The following FBXO16 variants were observed in gnomAD, a reference collection of about 807,000 sequenced individuals.
FBXO16 encodes the protein F-box only protein 16.
FBXO16 carries 31 observed loss-of-function variants against 41.0 expected under a neutral mutation model. The ratio of observed to expected loss-of-function variants is 0.76; its 90% confidence interval spans 0.57 to 1.02. FBXO16 has a LOEUF of 1.02. FBXO16 is among the 50% of genes least tolerant of loss of function. The pLI is 0.00. For missense variants in FBXO16, 361 were observed against 346.2 expected (o/e 1.04, Z -0.34); for synonymous variants, 133 against 117.8 (o/e 1.13, Z -0.84).
Position 28,463,791 on chromosome 8 carries a change from T to A in FBXO16, c.163A>T (p.Arg55Ter), listed in dbSNP as rs1803186849. 1 of 1,613,874 alleles carries A rather than the reference T, an allele frequency of 6.2e-7. No homozygotes were observed. Among genetic ancestry groups the A allele is most frequent in the African/African-American group, 1.3e-5 (1 of 74,934 alleles). Residue 55 changes from arginine (R) to a stop codon, truncating the protein, a stop_gained, in exon 4 of 9, where the codon AGA (arginine) becomes TGA (stop). Transcript: ENST00000380254. LOFTEE classifies it high-confidence loss of function. ...WFDKWTDSQR[R>*]RILTGLLERC... is the part of the protein sequence containing the mutation. Reference sequence around the variant, plus strand: ...TCCAACAGGCCTGTGAGGATTCTTCTTCTTTGAGAGTCTGTCCATTTGTCA... The same window carrying A: ...TCCAACAGGCCTGTGAGGATTCTTCATCTTTGAGAGTCTGTCCATTTGTCA...
chr8:28,460,445 T>TTTTTTTTTTG (rs371229894), intron 4 of FBXO16, among the ~76,000 whole-genome samples: 5 of 135,586 alleles, frequency 3.7e-5, no homozygotes, highest in African/African-American at 6.2e-5. Flanking sequence ...TTTTTTTTTT[T>TTTTTTTTTTG]GAGACAGCGT....
intron 5 of FBXO16, among the ~76,000 whole-genome samples, chr8:28,456,328 A>G (rs1803037732): frequency 6.6e-6 from 1 of 152,224 alleles, no homozygotes; most frequent in Non-Finnish European, 1.5e-5. Context: ...CATTTATTAG[A>G]AAACTTTTCC....
intron 3 of FBXO16, chr8:28,465,211 A>G (rs1389802596): frequency 6.1e-6 from 1 of 164,214 alleles, no homozygotes; most frequent in Non-Finnish European, 1.3e-5. Flanking sequence ...TTAAAGATCT[A>G]ATTGGCTTTT....
At chr8:28,460,225 G>GTATATATATATATATATATA (rs771679568) in intron 4 of FBXO16, among the ~76,000 whole-genome samples, 5 of 75,222 alleles carry the variant, frequency 6.6e-5, no homozygotes, top group African/African-American at 3.5e-4. Flanking sequence ...ATATGTGTGT[G>GTATATATATATATATATATA]TATATATATA....
intron 1 of FBXO16, among the ~76,000 whole-genome samples, chr8:28,484,432 C>T (rs1197411743): frequency 6.6e-6 from 1 of 152,138 alleles, no homozygotes; most frequent in African/African-American, 2.4e-5. Flanking sequence ...GATTAAAGCA[C>T]TTTAATTTTC....
chr8:28,481,758 C>G (rs541827096), intron 2 of FBXO16, among the ~76,000 whole-genome samples: 3 of 146,674 alleles, frequency 2.0e-5, no homozygotes, highest in Non-Finnish European at 4.4e-5. Flanking sequence ...TGTAGTGAGC[C>G]GAGATCGCAC....
At chr8:28,480,673 T>A (rs1438211716) in intron 2 of FBXO16, among the ~76,000 whole-genome samples, 1 of 151,842 alleles carries the variant, frequency 6.6e-6, no homozygotes, top group Non-Finnish European at 1.5e-5. Flanking sequence ...CCAGCTAATT[T>A]TTATATTTTT....
At chr8:28,460,345 C>A (rs1276719263) in intron 4 of FBXO16, among the ~76,000 whole-genome samples, 2 of 119,672 alleles carry the variant, frequency 1.7e-5, no homozygotes, top group African/African-American at 3.5e-5. Flanking sequence ...AACCCCCCAG[C>A]CTTAAGCAAG....
intron 3 of FBXO16, among the ~76,000 whole-genome samples, chr8:28,464,706 T>C (rs758578695): frequency 2.6e-5 from 4 of 152,096 alleles, no homozygotes; most frequent in Non-Finnish European, 5.9e-5. Flanking sequence ...TAGATTGGAG[T>C]GCAGTGGTGT....
At chr8:28,434,794 T>C (rs1802662444) in intron 7 of FBXO16, among the ~76,000 whole-genome samples, 1 of 150,858 alleles carries the variant, frequency 6.6e-6, no homozygotes, top group Non-Finnish European at 1.5e-5. Context: ...AGTGAGTGAG[T>C]GCGGGACCCA....
At chr8:28,430,303 TC>T (rs1585886294) in intron 7 of FBXO16, among the ~76,000 whole-genome samples, 1 of 152,174 alleles carries the variant, frequency 6.6e-6, no homozygotes, top group Non-Finnish European at 1.5e-5. Flanking sequence ...GGTCCTGAAC[TC>T]CCGAGCTCAA....
At chr8:28,466,052 C>G (rs1803233859) in intron 3 of FBXO16, among the ~76,000 whole-genome samples, 2 of 151,926 alleles carry the variant, frequency 1.3e-5, no homozygotes, top group South Asian at 4.2e-4. Context: ...CCAGCCTGAC[C>G]AACATGGAGA....
chr8:28,478,847 A>G (rs2130193100), intron 2 of FBXO16, among the ~76,000 whole-genome samples: 1 of 150,620 alleles, frequency 6.6e-6, no homozygotes, highest in Non-Finnish European at 1.5e-5. Context: ...AAAAAATTGT[A>G]ATCCCCTATG....
intron 4 of FBXO16, among the ~76,000 whole-genome samples, chr8:28,458,766 C>T (rs41495145): frequency 0.093 from 14,087 of 151,820 alleles, 1,304 homozygotes; most frequent in African/African-American, 0.24. Context: ...CTTTAGATCA[C>T]GTTTTGACCT....
chr8:28,456,145 C>T (rs1053605320), intron 5 of FBXO16, among the ~76,000 whole-genome samples: 1 of 151,980 alleles, frequency 6.6e-6, no homozygotes, highest in Non-Finnish European at 1.5e-5. Context: ...ATCTCATTAG[C>T]TGGGACTATA....
At position 28,481,827 on chromosome 8, in the gene FBXO16, AG is replaced by A. The variant is rs780575384; in HGVS notation, c.99+1520del. Among the ~76,000 whole-genome samples the A allele has an allele frequency of 6.3e-3, 952 of 151,128 alleles. 8 individuals carry two copies. The highest frequency in any genetic ancestry group is 0.017 in the African/African-American group (718 of 41,178). On this transcript the variant is annotated intron_variant, in intron 2 of 8. Coordinates refer to ENST00000380254, the MANE Select transcript of FBXO16 (RefSeq NM_172366.4). Reference sequence around the variant, plus strand: ...CTGTTTCAGGAAAAAAAAAAAAAAAAGAATGCAAGGCCCTGAGCATTCGTGA... The same window carrying A: ...CTGTTTCAGGAAAAAAAAAAAAAAAAAATGCAAGGCCCTGAGCATTCGTGA...
At chr8:28,446,362 A>G (rs1392443654) in intron 7 of FBXO16, among the ~76,000 whole-genome samples, 4 of 150,958 alleles carry the variant, frequency 2.6e-5, no homozygotes, top group Admixed American at 2.6e-4. Flanking sequence ...TAGTGGAGAC[A>G]GGGTTCCGCC....
intron 2 of FBXO16, among the ~76,000 whole-genome samples, chr8:28,478,679 C>T (rs770852232): frequency 2.0e-5 from 3 of 151,940 alleles, no homozygotes; most frequent in Non-Finnish European, 4.4e-5. Context: ...GAAAATTAGC[C>T]AGGTGTGGTG....
intron 3 of FBXO16, among the ~76,000 whole-genome samples, chr8:28,468,326 T>G (rs1377695219): frequency 6.6e-6 from 1 of 152,160 alleles, no homozygotes; most frequent in South Asian, 2.1e-4. Context: ...TTACAAGGAT[T>G]CTTGCTGCCA....
Sources: allele counts gnomAD v4.1 joint callset (sites outside exome capture counted in the v4.1 genomes callset), GRCh38; gene constraint gnomAD v4.1.1; transcripts MANE v1.5; gene names NCBI Gene and HGNC (gene_info 2026-07-23, HGNC 2026-07-21).